FN3KRP: variants seen among roughly 807,000 people sequenced by gnomAD.
The protein encoded by FN3KRP is ketosamine-3-kinase.
FN3KRP carries 33 observed loss-of-function variants against 29.8 expected under a neutral mutation model. That is an observed-to-expected ratio of 1.11 (90% CI 0.84 to 1.48). The LOEUF (loss-of-function observed/expected upper bound fraction) is 1.48, where lower values mean the gene tolerates loss of function less well. Ranked by LOEUF, FN3KRP falls within the 40% of genes most tolerant of loss-of-function variation. The probability of loss-of-function intolerance (pLI) is 0.00; values close to 1 mark genes in which losing one functional copy is unlikely to be tolerated. For synonymous variants in FN3KRP, 157 were observed against 155.2 expected (o/e 1.01, Z -0.09); for missense variants, 430 against 402.6 (o/e 1.07, Z -0.58).
In FN3KRP at chr17:82,716,789, A is replaced by G; in HGVS notation, c.34A>G (p.Ser12Gly). ...GCTCCTGAGGCGCGAGCTGGGCTGC[A>G]GCTCTGTCAGGGCCACGGGCCACTC... ...EELLRRELGC[S>G]SVRATGHSGG... Residue 12 changes from serine to glycine, a missense_variant, in exon 1 of 6, where the codon AGC (serine) becomes GGC (glycine). Ser to Gly is a moderately conservative substitution (Grantham distance 56). Coordinates refer to ENST00000269373, the MANE Select transcript of FN3KRP (RefSeq NM_024619.4). 1 of 1,542,202 alleles carries G rather than the reference A, an allele frequency of 6.5e-7. No individual in the cohort carries two copies. Among genetic ancestry groups the G allele is most frequent in the South Asian group, 1.2e-5 (1 of 82,526 alleles).
Position 82,726,964 on chromosome 17 carries a change from C to T in FN3KRP, c.723C>T (p.His241=). Residue 241 remains histidine, a synonymous_variant, in exon 6 of 6, where the codon CAC becomes CAT. Coordinates refer to ENST00000269373, the MANE Select transcript of FN3KRP (RefSeq NM_024619.4). ...VIFDPASFYG[H]SEYELAIAGM... ...TTGACCCAGCTTCTTTCTACGGCCA[C>T]TCGGAATATGAGCTGGCAATAGCTG... 1 of 1,613,962 alleles carries T rather than the reference C, an allele frequency of 6.2e-7. No homozygotes were observed. The highest frequency in any genetic ancestry group is 8.5e-7 in the Non-Finnish European group (1 of 1,179,974).
At chr17:82,723,646 C>CATGTGTGTACGCGTGTGCGCGCACATGT (rs2046816679) in intron 4 of FN3KRP, among the ~76,000 whole-genome samples, 2 of 151,896 alleles carry the variant, frequency 1.3e-5, no homozygotes, top group Non-Finnish European at 2.9e-5. Flanking sequence ...CACGTGTGTG[C>CATGTGTGTACGCGTGTGCGCGCACATGT]ATGTGTGTAC....
chr17:82,726,579 C>T lies in FN3KRP; in HGVS notation c.568C>T (p.Leu190Phe), dbSNP rs148256328. ...VEKESGDREA[L>F]QLWSALQLKI... is the part of the protein sequence containing the mutation. ...GAAGGAGTCTGGGGACAGGGAGGCCCTCCAGCTTTGGTCTGCTCTGCAGGT... is the reference window on the plus strand; with the variant it reads ...GAAGGAGTCTGGGGACAGGGAGGCCTTCCAGCTTTGGTCTGCTCTGCAGGT... The change falls in exon 5 of 6, where the codon CTC (leucine) becomes TTC (phenylalanine). Residue 190 changes from leucine (L) to phenylalanine (F), a missense_variant. Coordinates refer to ENST00000269373, the MANE Select transcript of FN3KRP (RefSeq NM_024619.4). The T allele has an allele frequency of 1.9e-6, 3 of 1,613,736 alleles. No individual in the cohort carries two copies. The African/African-American group carries it at 4.0e-5, about 22-fold the overall frequency.
chr17:82,719,151 T>G, intron 2 of FN3KRP, 94 bp downstream of exon 2: 1 of 1,192,028 alleles, frequency 8.4e-7, no homozygotes, highest in Non-Finnish European at 1.2e-6. Flanking sequence ...CACCACCCAC[T>G]GGCTGGCTTT....
Position 82,718,932 on chromosome 17 carries a change from G to A in FN3KRP, c.168G>A (p.Met56Ile). Residue 56 changes from methionine to isoleucine, a missense_variant, in exon 2 of 6, where the codon ATG becomes ATA. Coordinates refer to ENST00000269373, the MANE Select transcript of FN3KRP (RefSeq NM_024619.4). Reference protein sequence around the residue: ...AEARRMFEGEMASLTAILKTN... With the variant: ...AEARRMFEGEIASLTAILKTN... The stretch of plus-strand genomic sequence containing the variant: ...CCAGAAGAATGTTTGAAGGTGAGAT[G>A]GCAAGTTTAACTGCCATCCTGAAAA... 4.3e-6 allele frequency: 7 copies of A among 1,614,038 alleles called. No homozygotes were observed. Among genetic ancestry groups the A allele is most frequent in the Non-Finnish European group, 5.9e-6 (7 of 1,179,930 alleles).
At chr17:82,723,554 C>T (rs561656372) in intron 4 of FN3KRP, among the ~76,000 whole-genome samples, 58 of 151,150 alleles carry the variant, frequency 3.8e-4, no homozygotes, top group Non-Finnish European at 6.3e-4. Flanking sequence ...CACGTCTGTG[C>T]GCATATGTGT....
Position 82,718,364 on chromosome 17 carries a change from T to C in FN3KRP, c.142-542T>C, listed in dbSNP as rs2046774478. ...GAGGAGTTGCTGTGGTCCCGGGGAG[T>C]TGGATGGAAACGGCATCTCAAGATG... is the stretch of plus-strand genomic sequence containing the variant. On this transcript the variant is annotated intron_variant, in intron 1 of 5. Coordinates refer to ENST00000269373, the MANE Select transcript of FN3KRP (RefSeq NM_024619.4). The C allele has an allele frequency of 3.1e-6, 3 of 977,394 alleles. 1 individual carries two copies. In the South Asian group the frequency reaches 1.4e-4, roughly 46 times the overall value. The allele number at this position is 977,394 out of a possible 1,614,324, so 60.5% of individuals were successfully genotyped here.
intron 1 of FN3KRP, among the ~76,000 whole-genome samples, chr17:82,717,251 G>A (rs2046763421): frequency 6.6e-6 from 1 of 152,208 alleles, no homozygotes; most frequent in African/African-American, 2.4e-5. Context: ...CTGCGGTGCT[G>A]GTTAAGTGGG....
chr17:82,721,589 G>A (rs750255049), intron 3 of FN3KRP, among the ~76,000 whole-genome samples: 4 of 151,750 alleles, frequency 2.6e-5, no homozygotes, highest in East Asian at 3.9e-4. Context: ...TGCAAGCTCC[G>A]CCTCCCGGGT....
In FN3KRP at chr17:82,726,611, GGCCCCACT is replaced by G; in HGVS notation, c.591+12_591+19del. ...TTTGGTCTGCTCTGCAGGTGAGTGG[GGCCCCACT>G]GCATGCCCAGCACCTGCCACACACC... On this transcript the variant is annotated intron_variant, in intron 5 of 5. Transcript: ENST00000269373. The G allele has an allele frequency of 6.2e-7, 1 of 1,607,926 alleles. No individual in the cohort carries two copies.
rs1287549675 is a variant in FN3KRP, at chr17:82,727,027, C to T, written c.786C>T (p.Ala262=). 6.2e-7 allele frequency: 1 copy of T among 1,614,174 alleles called. No homozygotes were observed. The highest frequency in any genetic ancestry group is 1.1e-5 in the South Asian group (1 of 91,086). ...FGGFSSSFYS[A]YHGKIPKAPG... ...GCTTTAGCAGCTCCTTTTACTCCGCCTACCACGGCAAAATCCCCAAGGCCC... is the reference window on the plus strand; with the variant it reads ...GCTTTAGCAGCTCCTTTTACTCCGCTTACCACGGCAAAATCCCCAAGGCCC... Residue 262 remains alanine (A), a synonymous_variant, in exon 6 of 6, where the codon GCC becomes GCT. Transcript: ENST00000269373.
intron 4 of FN3KRP, among the ~76,000 whole-genome samples, chr17:82,725,086 C>T (rs775910357): frequency 8.6e-5 from 13 of 152,018 alleles, no homozygotes; most frequent in Non-Finnish European, 4.4e-5. Context: ...GCTGGGATTA[C>T]AGGCATGAGC....
At chr17:82,718,171 A>G (rs1314797224) in intron 1 of FN3KRP, among the ~76,000 whole-genome samples, 1 of 136,396 alleles carries the variant, frequency 7.3e-6, no homozygotes, top group African/African-American at 2.8e-5. Flanking sequence ...GTGTCTGTAT[A>G]TGTTGTGTGT....
rs528835266 is a variant in FN3KRP at position 82,727,368 on chromosome 17, C to A, written c.*197C>A. ...CACTTTGTGGGGCTTTGTAGGTAGA[C>A]GGAGCCACACTACAGGCAGGGTATG... is the stretch of plus-strand genomic sequence containing the variant. On this transcript the variant is annotated 3_prime_UTR_variant, in exon 6 of 6. Transcript: ENST00000269373. The A allele has an allele frequency of 3.6e-6, 2 of 553,416 alleles. No homozygotes were observed. Among genetic ancestry groups the A allele is most frequent in the Admixed American group, 6.3e-5 (2 of 31,990 alleles). The allele number at this position is 553,416 out of a possible 1,614,324, so 34.3% of individuals were successfully genotyped here.
intron 4 of FN3KRP, among the ~76,000 whole-genome samples, chr17:82,723,141 G>GTTTTA (rs57771371): frequency 0.99 from 151,195 of 152,152 alleles, 75,128 homozygotes; most frequent in South Asian, 1. Context: ...TTTAACAAAT[G>GTTTTA]TTTTAGGTAT....
At chr17:82,716,938 C>G (rs752410786) in intron 1 of FN3KRP, 42 bp downstream of exon 1, 1 of 1,552,806 alleles carries the variant, frequency 6.4e-7, no homozygotes, top group Non-Finnish European at 8.7e-7. Flanking sequence ...CGGTTTCTTT[C>G]CGGAGAGGGT....
chr17:82,724,560 C>T (rs914047087), intron 4 of FN3KRP, among the ~76,000 whole-genome samples: 4 of 150,752 alleles, frequency 2.7e-5, no homozygotes, highest in Non-Finnish European at 5.9e-5. Flanking sequence ...GCTGAAATCA[C>T]GCCATTGCAC....
Position 82,720,292 on chromosome 17 carries a change from C to A in FN3KRP, c.314C>A (p.Ala105Asp), listed in dbSNP as rs1280468990. Residue 105 changes from alanine (A) to aspartate (D), a missense_variant, in exon 3 of 6, where the codon GCC (alanine) becomes GAC (aspartate). Coordinates refer to ENST00000269373, the MANE Select transcript of FN3KRP (RefSeq NM_024619.4). ...HLSSHAAKLG[A>D]QLADLHLDNK... is the part of the protein sequence containing the mutation. Reference sequence around the variant, plus strand: ...GACAGTCATGCTGCAAAGCTTGGAGCCCAGCTGGCCGATTTACACCTTGAT... The same window carrying A: ...GACAGTCATGCTGCAAAGCTTGGAGACCAGCTGGCCGATTTACACCTTGAT... 1 of 1,613,990 alleles carries A rather than the reference C, an allele frequency of 6.2e-7. No homozygotes were observed. Among genetic ancestry groups the A allele is most frequent in the South Asian group, 1.1e-5 (1 of 91,082 alleles).
chr17:82,727,171 A>G lies in FN3KRP; in HGVS notation c.930A>G (p.Ter310TrpextTer35). 6.2e-7 allele frequency: 1 copy of G among 1,611,908 alleles called. No homozygotes were observed. Among genetic ancestry groups the G allele is most frequent in the Non-Finnish European group, 8.5e-7 (1 of 1,178,338 alleles). Residue 310 changes from the stop codon to tryptophan, a stop_lost, in exon 6 of 6, where the codon TGA becomes TGG. Transcript: ENST00000269373. ...ACATCATGAGGAATCTGGTCAAGTG[A>G]GCGGGCCTTACTCTGGAAGGAGGCC... ...SLNIMRNLVK[*>W] is the part of the protein sequence containing the mutation.
Sources: gnomAD v4.1 joint callset for allele counts (sites outside exome capture counted in the v4.1 genomes callset) on GRCh38, gnomAD v4.1.1 for gene constraint, MANE v1.5 for transcripts, NCBI Gene and HGNC (gene_info 2026-07-23, HGNC 2026-07-21) for gene names.